MICAL3: variants seen among roughly 807,000 people sequenced by gnomAD.
The protein encoded by MICAL3 is microtubule associated monooxygenase, calponin and LIM domain containing 3.
In MICAL3, 62 loss-of-function variants were observed where a neutral mutation model predicts 207.4. The ratio of observed to expected loss-of-function variants is 0.30; its 90% CI spans 0.24 to 0.37. The LOEUF (loss-of-function observed/expected upper bound fraction) is 0.37. Ranked by LOEUF, MICAL3 falls within the 10% of genes least tolerant of loss-of-function variation. The probability of loss-of-function intolerance (pLI) is 1.00; values close to 1 mark genes in which losing one functional copy is unlikely to be tolerated. For synonymous variants in MICAL3, 1,077 were observed against 1,069.3 expected (o/e 1.01, Z -0.14); for missense variants, 2,368 against 2,635.6 (o/e 0.90, Z 2.22).
chr22:17,962,544 G>A (rs1029268199), intron 1 of MICAL3, among the ~76,000 whole-genome samples: 6 of 152,154 alleles, frequency 3.9e-5, no homozygotes, highest in Admixed American at 6.5e-5. Flanking sequence ...ATGGAACTGC[G>A]GCCAGGCCAC....
intron 29 of MICAL3, among the ~76,000 whole-genome samples, chr22:17,792,081 CCCCCAGGGACGG>C (rs1470582930): frequency 6.6e-6 from 1 of 152,218 alleles, no homozygotes; most frequent in Non-Finnish European, 1.5e-5. Context: ...TACCAAACCT[CCCCCAGGGACGG>C]CCTGACCACT....
chr22:17,842,730 C>A (rs1003018098), intron 19 of MICAL3, among the ~76,000 whole-genome samples: 1 of 152,218 alleles, frequency 6.6e-6, no homozygotes, highest in Non-Finnish European at 1.5e-5. Flanking sequence ...CCACGGGGTG[C>A]CCTGCCTGCG....
intron 22 of MICAL3, chr22:17,826,378 T>G (rs1601982186): frequency 2.4e-6 from 2 of 828,824 alleles, no homozygotes; most frequent in Middle Eastern, 6.3e-4. Flanking sequence ...CCCAGGAGTC[T>G]AGTGTTAAGG....
chr22:17,877,157 GGTTATGGAGGTTAGGGAGGTTAGGGAA>G (rs1928689171), intron 16 of MICAL3, among the ~76,000 whole-genome samples: 2 of 105,822 alleles, frequency 1.9e-5, no homozygotes, highest in African/African-American at 4.8e-5. Flanking sequence ...AGGTTAGGGA[GGTTATGGAGGTTAGGGAGGTTAGGGAA>G]GTTATGGAGG....
At chr22:17,820,296 G>C (rs1294715293) in intron 25 of MICAL3, among the ~76,000 whole-genome samples, 2 of 152,166 alleles carry the variant, frequency 1.3e-5, no homozygotes, top group East Asian at 3.9e-4. Flanking sequence ...TGCTGTCACA[G>C]TTGGCTTTGC....
At position 17,900,787 on chromosome 22, in the gene MICAL3, C is replaced by G; in HGVS notation, c.847+55G>C. On this transcript the variant is annotated intron_variant, in intron 6 of 31. Transcript: ENST00000441493. The surrounding 1 kb of genome is among the most constrained non-coding windows in gnomAD (Gnocchi z 4.0). Reference sequence around the variant, plus strand: ...ACCCCACCAATCCCCCAAGAAAAAGCCACCAGGGACTATTTAAGTTTCTAT... The same window carrying G: ...ACCCCACCAATCCCCCAAGAAAAAGGCACCAGGGACTATTTAAGTTTCTAT... 1 of 1,560,620 alleles carries G rather than the reference C, an allele frequency of 6.4e-7. No homozygotes were observed. Among genetic ancestry groups the G allele is most frequent in the Non-Finnish European group, 8.8e-7 (1 of 1,137,138 alleles).
At chr22:17,894,731 A>T (rs979059515) in intron 10 of MICAL3, among the ~76,000 whole-genome samples, 2 of 148,912 alleles carry the variant, frequency 1.3e-5, no homozygotes, top group African/African-American at 2.5e-5. Context: ...CAGGAAGTGG[A>T]GGCTGCAGTG....
intron 27 of MICAL3, chr22:17,811,615 G>A (rs577967446): frequency 6.6e-6 from 1 of 152,334 alleles, no homozygotes; most frequent in East Asian, 1.9e-4. Context: ...CTGCCTACGT[G>A]GGTGCCAAGG....
chr22:17,882,522 G>A (rs1325800939), intron 16 of MICAL3, among the ~76,000 whole-genome samples: 1 of 152,170 alleles, frequency 6.6e-6, no homozygotes, highest in Non-Finnish European at 1.5e-5. Flanking sequence ...CAAGTATCTG[G>A]CACTGCAACT....
intron 21 of MICAL3, among the ~76,000 whole-genome samples, chr22:17,828,363 G>C (rs1444463600): frequency 6.6e-6 from 1 of 152,244 alleles, no homozygotes; most frequent in East Asian, 1.9e-4. Context: ...GACTTTGCTG[G>C]CACTTCGGTT....
chr22:17,996,176 A>C (rs1167540850), intron 1 of MICAL3, among the ~76,000 whole-genome samples: 1 of 149,522 alleles, frequency 6.7e-6, no homozygotes, highest in African/African-American at 2.5e-5. Context: ...ACAGTGGCTC[A>C]CACCTGTAAT....
chr22:17,895,377 G>A lies in MICAL3; in HGVS notation c.1356C>T (p.Thr452=), dbSNP rs1569121236. The change falls in exon 10 of 32, where the codon ACC becomes ACT. Residue 452 remains threonine (T), a synonymous_variant. Coordinates refer to ENST00000441493, the MANE Select transcript of MICAL3 (RefSeq NM_015241.3). ...ESIYRLLPQT[T]PENVSKNFSQ... is the part of the protein sequence containing the mutation. Reference sequence around the variant, plus strand: ...TGAAGTTCTTACTCACATTCTCAGGGGTGGTCTGAGGCAGCAACCTGTAAA... The same window carrying A: ...TGAAGTTCTTACTCACATTCTCAGGAGTGGTCTGAGGCAGCAACCTGTAAA... 1.2e-6 allele frequency: 2 copies of A among 1,613,672 alleles called. No homozygotes were observed. Among genetic ancestry groups the A allele is most frequent in the South Asian group, 1.1e-5 (1 of 91,012 alleles).
chr22:17,836,366 A>G (rs998205761), intron 20 of MICAL3, among the ~76,000 whole-genome samples: 4 of 152,218 alleles, frequency 2.6e-5, no homozygotes, highest in Admixed American at 2.6e-4. Flanking sequence ...TTTATAAATG[A>G]CAAGACCGAA....
At chr22:17,797,587 C>A (rs754820327) in intron 29 of MICAL3, among the ~76,000 whole-genome samples, 1 of 152,198 alleles carries the variant, frequency 6.6e-6, no homozygotes, top group Non-Finnish European at 1.5e-5. Context: ...ATCTGTGTGG[C>A]GGTGGGTGCT....
At chr22:17,877,252 G>T (rs796397277) in intron 16 of MICAL3, among the ~76,000 whole-genome samples, 368 of 18,224 alleles carry the variant, frequency 0.02, 3 homozygotes, top group Middle Eastern at 0.045. Context: ...AGGGAGGTTA[G>T]GGAGGTTAGG....
chr22:17,899,624 C>A, intron 6 of MICAL3, 76 bp from the exon 7 acceptor site: 1 of 913,478 alleles, frequency 1.1e-6, no homozygotes, highest in Admixed American at 2.0e-5. Context: ...AAAGGTTACA[C>A]ACAGGCCTAC....
Position 17,791,217 on chromosome 22 carries a change from G to T in MICAL3, c.5735C>A (p.Ser1912Ter). Reference sequence around the variant, plus strand: ...GGCCACTCACAAGATCATCAGCTCCGACTCGTAGCGCACCATGGCGTTCTT... The same window carrying T: ...GGCCACTCACAAGATCATCAGCTCCTACTCGTAGCGCACCATGGCGTTCTT... ...QEKNAMVRYE[S>*]ELMIFARELE... Residue 1912 changes from serine (S) to a stop codon, truncating the protein, a stop_gained, in exon 30 of 32, where the codon TCG (serine) becomes TAG (stop). Transcript: ENST00000441493. LOFTEE classifies it high-confidence loss of function. 1 of 1,613,766 alleles carries T rather than the reference G, an allele frequency of 6.2e-7. No individual in the cohort carries two copies. Among genetic ancestry groups the T allele is most frequent in the South Asian group, 1.1e-5 (1 of 91,026 alleles).
intron 15 of MICAL3, among the ~76,000 whole-genome samples, chr22:17,886,727 C>T (rs1321934200): frequency 6.6e-6 from 1 of 151,428 alleles, no homozygotes; most frequent in Non-Finnish European, 1.5e-5. Flanking sequence ...ATCGCTTGAA[C>T]CCTGGAGGTG....
At chr22:17,816,548 G>C (rs1921017745) in intron 27 of MICAL3, 142 bp downstream of exon 27, 3 of 688,916 alleles carry the variant, frequency 4.4e-6, no homozygotes, top group Non-Finnish European at 7.6e-6. Flanking sequence ...GCATAGGGCT[G>C]GGTCAGCAGT....
Sources: allele counts gnomAD v4.1 joint callset (sites outside exome capture counted in the v4.1 genomes callset), GRCh38; gene constraint gnomAD v4.1.1; non-coding constraint Gnocchi (gnomAD v3.1); transcripts MANE v1.5; gene names NCBI Gene and HGNC (gene_info 2026-07-23, HGNC 2026-07-21).